The following EPHA5 variants were observed in gnomAD, a reference collection of about 807,000 sequenced individuals.
EPHA5 encodes EPH receptor A5, also known as ephrin type-A receptor 5.
In EPHA5, 60 loss-of-function variants were observed where a neutral mutation model predicts 105.0. That is an observed-to-expected ratio of 0.57 (90% CI 0.46 to 0.71). EPHA5 has a LOEUF of 0.71. Among genes scored for constraint, EPHA5 ranks in the 30% least tolerant of loss-of-function variants. The probability of loss-of-function intolerance (pLI) is 0.00; values close to 1 mark genes in which losing one functional copy is unlikely to be tolerated. For missense variants in EPHA5, 1,218 were observed against 1,274.7 expected (o/e 0.96, Z 0.68); for synonymous variants, 513 against 449.1 (o/e 1.14, Z -1.80).
chr4:65,586,244 G>A (rs556117707), intron 3 of EPHA5, among the ~76,000 whole-genome samples: 21 of 151,254 alleles, frequency 1.4e-4, no homozygotes, highest in South Asian at 4.2e-4. Flanking sequence ...CTTCAAAATC[G>A]TCATATATTA....
intron 8 of EPHA5, among the ~76,000 whole-genome samples, chr4:65,381,320 G>A (rs933162117): frequency 2.0e-5 from 3 of 151,432 alleles, no homozygotes; most frequent in Non-Finnish European, 3.0e-5. Flanking sequence ...GGTAAAAATC[G>A]GTGTGAAGAA....
At chr4:65,509,259 A>C in intron 3 of EPHA5, among the ~76,000 whole-genome samples, 1 of 152,150 alleles carries the variant, frequency 6.6e-6, no homozygotes, top group African/African-American at 2.4e-5. Flanking sequence ...CTTATTTCTA[A>C]AAGTTTCAAC....
intron 14 of EPHA5, among the ~76,000 whole-genome samples, chr4:65,342,895 G>T (rs2148827846): frequency 6.6e-6 from 1 of 151,556 alleles, no homozygotes; most frequent in South Asian, 2.1e-4. Context: ...TGCTTTACAA[G>T]TAAGATCTGG....
chr4:65,526,247 A>T lies in EPHA5; in HGVS notation c.911-30704T>A, dbSNP rs144633329. On this transcript the variant is annotated intron_variant, in intron 3 of 16. Coordinates refer to ENST00000613740, the MANE Select transcript of EPHA5 (RefSeq NM_001281766.3). ...AATTGTCCCAGACTTTTCAGTACAT[A>T]TGATTGACATAACGTGACTATGCCA... Among the ~76,000 whole-genome samples, 570 of 152,014 alleles carry T rather than the reference A, an allele frequency of 3.7e-3. 5 individuals are homozygous for T. The highest frequency in any genetic ancestry group is 0.013 in the African/African-American group (543 of 41,520).
At chr4:65,480,412 G>A (rs954314064) in intron 5 of EPHA5, among the ~76,000 whole-genome samples, 1 of 152,182 alleles carries the variant, frequency 6.6e-6, no homozygotes, top group African/African-American at 2.4e-5. Context: ...CTCGCATAAA[G>A]GTATATGGCT....
chr4:65,645,704 T>G (rs1748058594), intron 1 of EPHA5, among the ~76,000 whole-genome samples: 1 of 151,934 alleles, frequency 6.6e-6, no homozygotes, highest in African/African-American at 2.4e-5. Flanking sequence ...ATTTATTGAG[T>G]GTTCTCAATG....
At chr4:65,571,804 C>G (rs747310259) in intron 3 of EPHA5, among the ~76,000 whole-genome samples, 32 of 151,980 alleles carry the variant, frequency 2.1e-4, no homozygotes, top group Non-Finnish European at 7.4e-5. Flanking sequence ...CTTATTCTTA[C>G]AGTTGCATAA....
At chr4:65,342,539 T>G (rs1721828996) in intron 14 of EPHA5, among the ~76,000 whole-genome samples, 1 of 151,864 alleles carries the variant, frequency 6.6e-6, no homozygotes, top group Non-Finnish European at 1.5e-5. Flanking sequence ...ATATAAGGAA[T>G]ATGTATACAT....
At chr4:65,522,817 A>G (rs866564519) in intron 3 of EPHA5, among the ~76,000 whole-genome samples, 1 of 151,920 alleles carries the variant, frequency 6.6e-6, no homozygotes, top group Admixed American at 6.6e-5. Flanking sequence ...CATCCAATTT[A>G]CTACAGTTAA....
intron 5 of EPHA5, among the ~76,000 whole-genome samples, chr4:65,475,331 A>G (rs1729689802): frequency 6.6e-6 from 1 of 152,168 alleles, no homozygotes; most frequent in Admixed American, 6.5e-5. Context: ...ATGGCAATCA[A>G]TTTCATAAAA....
chr4:65,327,442 C>A (rs995622241), intron 16 of EPHA5, among the ~76,000 whole-genome samples: 1 of 151,100 alleles, frequency 6.6e-6, no homozygotes, highest in Non-Finnish European at 1.5e-5. Context: ...ATCTCCCCAG[C>A]GGAGAAATGG....
At chr4:65,444,314 A>G (rs1346682154) in intron 5 of EPHA5, among the ~76,000 whole-genome samples, 1 of 152,200 alleles carries the variant, frequency 6.6e-6, no homozygotes, top group Non-Finnish European at 1.5e-5. Flanking sequence ...ATATATACAT[A>G]TAATCTAGCC....
chr4:65,399,270 C>A (rs961794736), intron 8 of EPHA5, among the ~76,000 whole-genome samples: 1 of 152,170 alleles, frequency 6.6e-6, no homozygotes, highest in Non-Finnish European at 1.5e-5. Context: ...CAGGAGCAAC[C>A]CACCCCTCCA....
chr4:65,496,722 T>C lies in EPHA5; in HGVS notation c.911-1179A>G, dbSNP rs373553206. On this transcript the variant is annotated intron_variant, in intron 3 of 16. Coordinates refer to ENST00000613740, the MANE Select transcript of EPHA5 (RefSeq NM_001281766.3). ...CATGTGTCTTTAGAGAAGCATGATT[T>C]ACAGTCCTTTGGGTACATACCCAGT... Among the ~76,000 whole-genome samples the C allele has an allele frequency of 1.2e-4, 19 of 152,276 alleles. No individual in the cohort carries two copies. The East Asian group carries it at 1.9e-3, about 16-fold the overall frequency.
At chr4:65,582,655 G>C (rs923384875) in intron 3 of EPHA5, among the ~76,000 whole-genome samples, 2 of 151,560 alleles carry the variant, frequency 1.3e-5, no homozygotes, top group African/African-American at 4.8e-5. Context: ...ATTATCTGAG[G>C]AAAGAGGAAA....
intron 3 of EPHA5, among the ~76,000 whole-genome samples, chr4:65,581,786 T>C (rs1578488351): frequency 6.6e-6 from 1 of 151,656 alleles, no homozygotes; most frequent in South Asian, 2.1e-4. Flanking sequence ...TAATGGAAGG[T>C]TTCTAAATGG....
chr4:65,469,895 G>A (rs528847421), intron 5 of EPHA5, among the ~76,000 whole-genome samples: 22 of 152,038 alleles, frequency 1.4e-4, no homozygotes, highest in East Asian at 9.7e-4. Context: ...TACTGTGTGC[G>A]CACAAAAATT....
At chr4:65,598,288 T>C (rs926211826) in intron 3 of EPHA5, among the ~76,000 whole-genome samples, 2 of 152,122 alleles carry the variant, frequency 1.3e-5, no homozygotes, top group Non-Finnish European at 2.9e-5. Flanking sequence ...GTCTTAGAAC[T>C]AAGAAATGAT....
In EPHA5 at chr4:65,666,951, T is replaced by G. The variant is rs1337275582; in HGVS notation, c.181+2611A>C. On this transcript the variant is annotated intron_variant, in intron 1 of 16. Transcript: ENST00000613740. ...TATTCTGTATGTTTTAAAACTTTTT[T>G]TCACATAATGGGAGCATTCATAATA... Among the ~76,000 whole-genome samples the G allele has an allele frequency of 2.0e-5, 3 of 152,240 alleles. No individual in the cohort carries two copies. The East Asian group carries it at 5.8e-4, about 29-fold the overall frequency.
Sources: gnomAD v4.1 joint callset for allele counts (sites outside exome capture counted in the v4.1 genomes callset) on GRCh38, gnomAD v4.1.1 for gene constraint, MANE v1.5 for transcripts, NCBI Gene and HGNC (gene_info 2026-07-23, HGNC 2026-07-21) for gene names.